The following COL6A6 variants were observed in gnomAD, a reference collection of about 807,000 sequenced individuals.
The protein encoded by COL6A6 is collagen type VI alpha 6 chain, also known as collagen alpha-6(VI) chain.
In COL6A6, 183 loss-of-function variants were observed where a neutral mutation model predicts 208.6. That is an observed-to-expected ratio of 0.88 (90% CI 0.78 to 0.99). The LOEUF (loss-of-function observed/expected upper bound fraction) is 0.99, where lower values mean the gene tolerates loss of function less well. Among genes scored for constraint, COL6A6 ranks in the 50% least tolerant of loss-of-function variants. The pLI, the probability that COL6A6 is intolerant of heterozygous loss-of-function variation, is 0.00. For missense variants in COL6A6, 2,816 were observed against 2,815.2 expected, an observed-to-expected ratio of 1.00 and a Z score of -0.01; for synonymous variants, 973 against 1,011.8, an observed-to-expected ratio of 0.96 and a Z score of 0.73.
chr3:130,638,211 A>C (rs2065211155), intron 28 of COL6A6, among the ~76,000 whole-genome samples: 1 of 152,076 alleles, frequency 6.6e-6, no homozygotes, highest in African/African-American at 2.4e-5. Flanking sequence ...GTCACTTCTG[A>C]ACTGATTTGT....
At chr3:130,663,658 C>A (rs1213394344) in intron 35 of COL6A6, among the ~76,000 whole-genome samples, 1 of 152,072 alleles carries the variant, frequency 6.6e-6, no homozygotes, top group Non-Finnish European at 1.5e-5. Context: ...CCCACTCCCC[C>A]AAAATTCTTG....
chr3:130,624,831 T>G (rs972913457), intron 24 of COL6A6, among the ~76,000 whole-genome samples: 1 of 152,152 alleles, frequency 6.6e-6, no homozygotes, highest in Non-Finnish European at 1.5e-5. Context: ...CACTCTAGAC[T>G]CATGATTCAC....
At chr3:130,610,809 A>T (rs1405332280) in intron 23 of COL6A6, 98 bp downstream of exon 23, 2 of 837,284 alleles carry the variant, frequency 2.4e-6, no homozygotes, top group Non-Finnish European at 3.8e-6. Context: ...CTGCTTGTGA[A>T]CCAGGAACGT....
chr3:130,603,311 A>G (rs558599048), intron 20 of COL6A6, among the ~76,000 whole-genome samples: 2 of 152,342 alleles, frequency 1.3e-5, no homozygotes, highest in East Asian at 1.9e-4. Context: ...CCTGACCTGT[A>G]ACAATGAAAA....
chr3:130,646,541 TC>T (rs1444496228), intron 32 of COL6A6: 2 of 152,544 alleles, frequency 1.3e-5, no homozygotes, highest in Admixed American at 6.5e-5. Context: ...ACCACTGCAT[TC>T]CAGCCCGGGT....
At chr3:130,566,342 T>A (rs2063022827) in intron 4 of COL6A6, among the ~76,000 whole-genome samples, 1 of 152,202 alleles carries the variant, frequency 6.6e-6, no homozygotes, top group Admixed American at 6.5e-5. Context: ...TAAATACCTG[T>A]CCAGTTAAAC....
intron 8 of COL6A6, among the ~76,000 whole-genome samples, chr3:130,580,103 C>G (rs2107993172): frequency 6.6e-6 from 1 of 152,276 alleles, no homozygotes; most frequent in South Asian, 2.1e-4. Context: ...TTTTTTCACA[C>G]AATTCTGTTT....
chr3:130,563,573 A>C lies in COL6A6; in HGVS notation c.570A>C (p.Arg190Ser). The C allele has an allele frequency of 6.2e-7, 1 of 1,614,042 alleles. No homozygotes were observed. The highest frequency in any genetic ancestry group is 1.1e-5 in the South Asian group (1 of 91,088). Reference protein sequence around the residue: ...SQFHFNLRTVRDLSMFSQNMT... With the variant: ...SQFHFNLRTVSDLSMFSQNMT... ...TTCATTTCAACCTTCGGACAGTCAG[A>C]GACCTCAGCATGTTTTCCCAAAACA... Residue 190 changes from arginine (R) to serine (S), a missense_variant, in exon 3 of 37, where the codon AGA becomes AGC. Transcript: ENST00000358511.
At chr3:130,602,925 A>G (rs1576310263) in intron 20 of COL6A6, among the ~76,000 whole-genome samples, 1 of 152,312 alleles carries the variant, frequency 6.6e-6, no homozygotes, top group Non-Finnish European at 1.5e-5. Flanking sequence ...TCATTCTTTG[A>G]GAAAGTAGAA....
rs1167702812 is a variant in COL6A6, at chr3:130,610,683, AAGG to A, written c.4791_4793del (p.Gly1598del). On this transcript the variant is annotated inframe_deletion, in exon 23 of 37. Transcript: ENST00000358511. Reference sequence around the variant, plus strand: ...GGAGAGGCTGGTGTGAAAGGAGAAAAAGGAGGTGTGGGAAGTAAAGGTCCCCAG... The same window carrying A: ...GGAGAGGCTGGTGTGAAAGGAGAAAAAGGTGTGGGAAGTAAAGGTCCCCAG... 2 of 1,592,580 alleles carry A rather than the reference AAGG, an allele frequency of 1.3e-6. No homozygotes were observed. Among genetic ancestry groups the A allele is most frequent in the Non-Finnish European group, 1.7e-6 (2 of 1,168,896 alleles).
intron 2 of COL6A6, among the ~76,000 whole-genome samples, chr3:130,562,591 T>C (rs1197765735): frequency 6.6e-6 from 1 of 152,214 alleles, no homozygotes; most frequent in Admixed American, 6.5e-5. Context: ...GTTGCTTAAA[T>C]GAGAAAGGCC....
intron 26 of COL6A6, among the ~76,000 whole-genome samples, chr3:130,628,776 C>T (rs1348180447): frequency 3.1e-5 from 2 of 65,450 alleles, no homozygotes; most frequent in Non-Finnish European, 4.7e-5. Flanking sequence ...CAGCTCCCTG[C>T]GTGAGCGACG....
At position 130,665,747 on chromosome 3, in the gene COL6A6, C is replaced by T. The variant is rs111826485; in HGVS notation, c.6596+651C>T. Among the ~76,000 whole-genome samples, 1,173 of 152,246 alleles carry T rather than the reference C, an allele frequency of 7.7e-3. 17 individuals are homozygous for T. Among genetic ancestry groups the T allele is most frequent in the African/African-American group, 0.027 (1,104 of 41,538 alleles). The stretch of plus-strand genomic sequence containing the variant: ...AGAAGGAATGGTAGAATTAGAAAAT[C>T]ACCAGTTTGTGGTTCACAATGTAAT... On this transcript the variant is annotated intron_variant, in intron 36 of 36. Transcript: ENST00000358511.
chr3:130,553,835 G>T (rs1053558809), intron 1 of COL6A6, among the ~76,000 whole-genome samples: 5 of 121,482 alleles, frequency 4.1e-5, no homozygotes, highest in African/African-American at 5.3e-5. Context: ...GTTGCGGTGG[G>T]TTTTTTTTGT....
intron 31 of COL6A6, among the ~76,000 whole-genome samples, chr3:130,643,970 C>T (rs2065391577): frequency 6.6e-6 from 1 of 152,012 alleles, no homozygotes; most frequent in Non-Finnish European, 1.5e-5. Context: ...TTTTGGGGCT[C>T]AGTTAGTGCG....
At chr3:130,592,847 C>A in intron 15 of COL6A6, 125 bp downstream of exon 15, 1 of 984,368 alleles carries the variant, frequency 1.0e-6, no homozygotes, top group Non-Finnish European at 1.5e-6. Context: ...TTATTGCCAG[C>A]CATTTCATTT....
In COL6A6 at chr3:130,565,325, G is replaced by A. The variant is rs368683744; in HGVS notation, c.993G>A (p.Gly331=). The A allele has an allele frequency of 1.2e-6, 2 of 1,613,848 alleles. No homozygotes were observed. The highest frequency in any genetic ancestry group is 1.7e-6 in the Non-Finnish European group (2 of 1,179,896). ...GGAATGGCAGTCGGAAGAATCAGGGGGTGCCCCAGATTGCCGTGCTGGTGA... is the reference window on the plus strand; with the variant it reads ...GGAATGGCAGTCGGAAGAATCAGGGAGTGCCCCAGATTGCCGTGCTGGTGA... ...SARNGSRKNQ[G]VPQIAVLVTH... is the part of the protein sequence containing the mutation. Residue 331 remains glycine (G), a synonymous_variant, in exon 4 of 37, where the codon GGG becomes GGA. Coordinates refer to ENST00000358511, the MANE Select transcript of COL6A6 (RefSeq NM_001102608.3).
At chr3:130,619,771 G>C (rs55937740) in intron 23 of COL6A6, among the ~76,000 whole-genome samples, 2,968 of 152,142 alleles carry the variant, frequency 0.02, 49 homozygotes, top group Non-Finnish European at 0.031. Context: ...GAGAAGTGAG[G>C]TAGTGGAAGG....
intron 1 of COL6A6, among the ~76,000 whole-genome samples, chr3:130,542,112 C>A (rs2062378546): frequency 6.7e-6 from 1 of 150,054 alleles, no homozygotes; most frequent in African/African-American, 2.5e-5. Context: ...TTTCAGGGAA[C>A]CATCTTTTGG....
Sources: gnomAD v4.1 joint callset for allele counts (sites outside exome capture counted in the v4.1 genomes callset) on GRCh38, gnomAD v4.1.1 for gene constraint, MANE v1.5 for transcripts, NCBI Gene and HGNC (gene_info 2026-07-23, HGNC 2026-07-21) for gene names.